The following AFF3 variants were observed in gnomAD, a reference collection of about 807,000 sequenced individuals.
The protein encoded by AFF3 is AF4/FMR2 family member 3.
Under a neutral mutation model 129.7 loss-of-function variants are expected in AFF3, and 32 were observed. That is an observed-to-expected ratio of 0.25 (90% confidence interval 0.19 to 0.33). AFF3 has a LOEUF of 0.33. Ranked by LOEUF, AFF3 falls within the 10% of genes least tolerant of loss-of-function variation. The probability of loss-of-function intolerance (pLI) is 1.00; values close to 1 mark genes in which losing one functional copy is unlikely to be tolerated. For synonymous variants in AFF3, 644 were observed against 635.4 expected (o/e 1.01, Z -0.20); for missense variants, 1,373 against 1,592.0 (o/e 0.86, Z 2.34).
chr2:99,973,340 C>A lies in AFF3; in HGVS notation c.873+33292G>T, dbSNP rs567841099. On this transcript the variant is annotated intron_variant, in intron 7 of 24. Coordinates refer to ENST00000672756, the MANE Select transcript of AFF3 (RefSeq NM_001386135.1). Reference sequence around the variant, plus strand: ...TTGACATAAGGAGGGAAAACAGAGACCTCAGGACTTCTACTGTGTTGACAT... The same window carrying A: ...TTGACATAAGGAGGGAAAACAGAGAACTCAGGACTTCTACTGTGTTGACAT... Among the ~76,000 whole-genome samples the A allele has an allele frequency of 4.6e-5, 7 of 152,290 alleles. No individual in the cohort carries two copies. In the South Asian group the frequency reaches 1.4e-3, roughly 32 times the overall value.
chr2:99,884,983 C>T (rs575549853), intron 7 of AFF3, among the ~76,000 whole-genome samples: 32 of 152,230 alleles, frequency 2.1e-4, no homozygotes, highest in African/African-American at 4.6e-4. Flanking sequence ...GCCAACTGCC[C>T]ACCGCTTCCA....
chr2:99,817,823 T>A (rs1401073603), intron 8 of AFF3, among the ~76,000 whole-genome samples: 1 of 152,212 alleles, frequency 6.6e-6, no homozygotes, highest in Non-Finnish European at 1.5e-5. Context: ...ATTACTGTAT[T>A]TACTACATTG....
At chr2:99,995,632 A>G (rs1050830924) in intron 7 of AFF3, among the ~76,000 whole-genome samples, 1 of 152,132 alleles carries the variant, frequency 6.6e-6, no homozygotes, top group African/African-American at 2.4e-5. Flanking sequence ...TCGGCCTCCC[A>G]AAGTGCTGGG....
At chr2:99,877,141 T>C (rs1237321762) in intron 7 of AFF3, among the ~76,000 whole-genome samples, 2 of 152,178 alleles carry the variant, frequency 1.3e-5, no homozygotes, top group African/African-American at 4.8e-5. Context: ...CCCACCATTC[T>C]TGGGAAACAT....
rs33964775 is a variant in AFF3, at chr2:100,063,252, C to CAAA, written c.53+41147_53+41149dup. ...GGCAACAATGAGCGAAACTCCATCT[C>CAAA]AAAAAAAAAAAAAAAAAAAAATGAC... On this transcript the variant is annotated intron_variant, in intron 4 of 24. Transcript: ENST00000672756. 1.6e-3 allele frequency among the ~76,000 whole-genome samples: 164 copies of CAAA among 101,414 alleles called. 3 individuals carry two copies. Among genetic ancestry groups the CAAA allele is most frequent in the East Asian group, 3.4e-3 (12 of 3,510 alleles). 66.5% of individuals were successfully genotyped at this position (101,414 alleles called of 152,430 possible). A position where few individuals can be genotyped will look rare whatever the true frequency, so the allele number is the denominator to read the frequency against.
intron 8 of AFF3, among the ~76,000 whole-genome samples, chr2:99,824,028 C>A (rs527373829): frequency 1.3e-5 from 2 of 152,274 alleles, no homozygotes; most frequent in East Asian, 3.9e-4. Flanking sequence ...TACCCCAAAC[C>A]TCAGCATCAT....
chr2:99,556,389 C>T (rs1024904702), intron 22 of AFF3, among the ~76,000 whole-genome samples: 2 of 152,084 alleles, frequency 1.3e-5, no homozygotes, highest in Non-Finnish European at 2.9e-5. Flanking sequence ...TTAGGGTGAG[C>T]CAAGATTGTG....
At chr2:99,558,995 A>T in intron 21 of AFF3, 27 bp from the exon 22 acceptor site, 1 of 1,611,162 alleles carries the variant, frequency 6.2e-7, no homozygotes, top group Non-Finnish European at 8.5e-7. Context: ...AAACAGGCCC[A>T]GAAGCGGCTG....
intron 4 of AFF3, among the ~76,000 whole-genome samples, chr2:100,079,796 C>T (rs950468509): frequency 6.6e-6 from 1 of 152,114 alleles, no homozygotes; most frequent in Admixed American, 6.5e-5. Context: ...TCTCAGGGTA[C>T]AAGAAAGGTC....
At chr2:99,690,183 T>A (rs1204187039) in intron 11 of AFF3, among the ~76,000 whole-genome samples, 2 of 136,684 alleles carry the variant, frequency 1.5e-5, no homozygotes. Flanking sequence ...ATTATTATTA[T>A]TATTATTATT....
intron 13 of AFF3, 141 bp from the exon 14 acceptor site, chr2:99,601,762 A>C: frequency 9.8e-5 from 99 of 1,010,684 alleles, no homozygotes; most frequent in Non-Finnish European, 1.3e-4. Context: ...CCTGGAACTC[A>C]AAGAGCAGGC....
intron 8 of AFF3, among the ~76,000 whole-genome samples, chr2:99,753,331 CT>C (rs1681823725): frequency 6.6e-6 from 1 of 152,120 alleles, no homozygotes; most frequent in African/African-American, 2.4e-5. Flanking sequence ...AACTCCTGAC[CT>C]CGGGTGACCC....
At chr2:99,612,367 T>A (rs1575505369) in intron 13 of AFF3, among the ~76,000 whole-genome samples, 1 of 152,234 alleles carries the variant, frequency 6.6e-6, no homozygotes, top group East Asian at 1.9e-4. Context: ...AAATTAGGCA[T>A]TAATTCATTC....
chr2:99,867,706 C>A (rs1200123259), intron 7 of AFF3, among the ~76,000 whole-genome samples: 2 of 152,130 alleles, frequency 1.3e-5, no homozygotes, highest in African/African-American at 4.8e-5. Flanking sequence ...CTCTCCATAT[C>A]CCCCCAATCC....
In AFF3 at chr2:100,006,770, A is replaced by G. The variant is rs1234973181; in HGVS notation, c.735T>C (p.Pro245=). 4 of 1,614,064 alleles carry G rather than the reference A, an allele frequency of 2.5e-6. No homozygotes were observed. In the East Asian group the frequency reaches 8.9e-5, roughly 36 times the overall value. Residue 245 remains proline, a synonymous_variant, in exon 7 of 25, where the codon CCT becomes CCC. Transcript: ENST00000672756. ...ACGACTTCAGCTTAGGAGACTCATC[A>G]GGGGCCTGATCTTGGCCGTCCATTG... The part of the protein sequence containing the change: ...VRPMDGQDQA[P]DESPKLKSSS...
chr2:99,839,203 G>A (rs1432639949), intron 7 of AFF3, among the ~76,000 whole-genome samples: 2 of 152,010 alleles, frequency 1.3e-5, no homozygotes, highest in African/African-American at 4.8e-5. Flanking sequence ...TCTACCTCCT[G>A]GGTTCAGGCG....
At chr2:99,784,378 C>T (rs749007823) in intron 8 of AFF3, among the ~76,000 whole-genome samples, 1 of 152,184 alleles carries the variant, frequency 6.6e-6, no homozygotes, top group Non-Finnish European at 1.5e-5. Context: ...CAAACCTCTG[C>T]AGGCTCTAAA....
intron 7 of AFF3, among the ~76,000 whole-genome samples, chr2:99,962,468 C>A (rs533742822): frequency 1.6e-4 from 24 of 152,076 alleles, no homozygotes. Flanking sequence ...AATGATGACA[C>A]AAGACTTTTA....
intron 15 of AFF3, among the ~76,000 whole-genome samples, chr2:99,591,560 TGAGTGCCTTCTCCATGCGCACTTACA>T (rs1678683973): frequency 6.6e-6 from 1 of 152,192 alleles, no homozygotes; most frequent in African/African-American, 2.4e-5. Context: ...AAAAGGAGAC[TGAGTGCCTTCTCCATGCGCACTTACA>T]AAGCAAGAAA....
Sources: allele counts gnomAD v4.1 joint callset (sites outside exome capture counted in the v4.1 genomes callset), GRCh38; gene constraint gnomAD v4.1.1; transcripts MANE v1.5; gene names NCBI Gene and HGNC (gene_info 2026-07-23, HGNC 2026-07-21).